The following CDK14 variants were observed in gnomAD, a reference collection of about 807,000 sequenced individuals.
CDK14 encodes cyclin dependent kinase 14.
CDK14 carries 34 observed loss-of-function variants against 60.7 expected under a neutral mutation model. That is an observed-to-expected ratio of 0.56 (90% CI 0.43 to 0.75). The LOEUF (loss-of-function observed/expected upper bound fraction) is 0.75. CDK14 is among the 30% of genes least tolerant of loss of function. The pLI, the probability that CDK14 is intolerant of heterozygous loss-of-function variation, is 0.00. For missense variants in CDK14, 482 were observed against 564.1 expected, an observed-to-expected ratio of 0.85 and a Z score of 1.47; for synonymous variants, 197 against 203.7, an observed-to-expected ratio of 0.97 and a Z score of 0.28.
intron 11 of CDK14, among the ~76,000 whole-genome samples, chr7:91,057,093 T>C (rs2116086706): frequency 6.6e-6 from 1 of 152,330 alleles, no homozygotes; most frequent in African/African-American, 2.4e-5. Context: ...TTTTTAGTGA[T>C]TGCCATTCTA....
chr7:91,041,314 G>A (rs994160744), intron 10 of CDK14, among the ~76,000 whole-genome samples: 5 of 151,930 alleles, frequency 3.3e-5, no homozygotes, highest in African/African-American at 1.2e-4. Flanking sequence ...GTTACCATAT[G>A]TGTGCTGAAG....
At chr7:91,131,729 G>A (rs1163633952) in intron 14 of CDK14, among the ~76,000 whole-genome samples, 2 of 152,080 alleles carry the variant, frequency 1.3e-5, no homozygotes, top group Non-Finnish European at 2.9e-5. Context: ...TGAATAAAAT[G>A]TGGCTACTTT....
At chr7:90,961,897 G>C (rs1194684543) in intron 9 of CDK14, among the ~76,000 whole-genome samples, 1 of 152,230 alleles carries the variant, frequency 6.6e-6, no homozygotes, top group African/African-American at 2.4e-5. Context: ...GTAAAACAGA[G>C]ATAATTGTGA....
In CDK14 at chr7:91,208,844, G is replaced by C. The variant is rs1802980141; in HGVS notation, c.*1708G>C. On this transcript the variant is annotated 3_prime_UTR_variant, in exon 15 of 15. Coordinates refer to ENST00000380050, the MANE Select transcript of CDK14 (RefSeq NM_001287135.2). ...TAGCATTCATGGTAAACTTTTAAGTGCTAAGCAAGGAATTATTTACTGATT... is the reference window on the plus strand; with the variant it reads ...TAGCATTCATGGTAAACTTTTAAGTCCTAAGCAAGGAATTATTTACTGATT... 1.3e-5 allele frequency: 2 copies of C among 152,638 alleles called. No homozygotes were observed. Among genetic ancestry groups the C allele is most frequent in the South Asian group, 4.1e-4 (2 of 4,834 alleles). 9.5% of individuals were successfully genotyped at this position (152,638 alleles called of 1,614,324 possible).
chr7:90,744,021 A>G (rs1412076947), intron 3 of CDK14, among the ~76,000 whole-genome samples: 2 of 150,734 alleles, frequency 1.3e-5, no homozygotes, highest in South Asian at 2.1e-4. Flanking sequence ...TTTTTAAATT[A>G]TTTATTTTTA....
intron 12 of CDK14, among the ~76,000 whole-genome samples, chr7:91,091,520 T>TA (rs1268235380): frequency 2.8e-5 from 4 of 140,968 alleles, no homozygotes; most frequent in South Asian, 4.3e-4. Context: ...TATATATAAA[T>TA]TAGCCAGGCA....
chr7:90,597,029 C>T (rs1004639628), intron 1 of CDK14, among the ~76,000 whole-genome samples: 2 of 152,224 alleles, frequency 1.3e-5, no homozygotes, highest in Non-Finnish European at 2.9e-5. Context: ...CCCTCGGCCC[C>T]CACCGCGCAA....
chr7:91,080,745 T>C (rs1039706803), intron 12 of CDK14, among the ~76,000 whole-genome samples: 2 of 152,224 alleles, frequency 1.3e-5, no homozygotes, highest in Non-Finnish European at 2.9e-5. Flanking sequence ...ATAACCACTT[T>C]ATGAAACAAT....
At chr7:90,801,025 T>G (rs1303826701) in intron 5 of CDK14, among the ~76,000 whole-genome samples, 1 of 152,210 alleles carries the variant, frequency 6.6e-6, no homozygotes. Flanking sequence ...CAGCATGGCT[T>G]CATCTTAACT....
chr7:90,946,806 A>G lies in CDK14; in HGVS notation c.827-8891A>G, dbSNP rs538610789. ...ACAAAAAACAAAAAACAAACAAACA[A>G]AAAACTGTCCTTAGGATCCTGTAAG... On this transcript the variant is annotated intron_variant, in intron 8 of 14. Coordinates refer to ENST00000380050, the MANE Select transcript of CDK14 (RefSeq NM_001287135.2). 6.6e-5 allele frequency among the ~76,000 whole-genome samples: 10 copies of G among 152,324 alleles called. No individual in the cohort carries two copies. The South Asian group carries it at 2.1e-3, about 32-fold the overall frequency.
At chr7:91,153,889 A>T (rs187064122) in intron 14 of CDK14, among the ~76,000 whole-genome samples, 201 of 152,270 alleles carry the variant, frequency 1.3e-3, no homozygotes, top group African/African-American at 4.4e-3. Flanking sequence ...AAAAGTTTTT[A>T]AAAAAAGAAA....
chr7:91,076,940 A>G (rs943558019), intron 11 of CDK14, among the ~76,000 whole-genome samples: 1 of 152,238 alleles, frequency 6.6e-6, no homozygotes, highest in African/African-American at 2.4e-5. Context: ...AATCAAAACC[A>G]TAATGAGACC....
intron 6 of CDK14, among the ~76,000 whole-genome samples, chr7:90,866,623 G>A (rs1280258258): frequency 6.6e-6 from 1 of 152,102 alleles, no homozygotes; most frequent in Non-Finnish European, 1.5e-5. Flanking sequence ...TTTACCAAGT[G>A]AAGGATTCTT....
At chr7:90,738,590 C>T (rs915181218) in intron 3 of CDK14, among the ~76,000 whole-genome samples, 1 of 152,208 alleles carries the variant, frequency 6.6e-6, no homozygotes, top group African/African-American at 2.4e-5. Context: ...AATTTCACAT[C>T]TCTATGCAGT....
chr7:91,159,644 C>G (rs2115735317), intron 14 of CDK14, among the ~76,000 whole-genome samples: 1 of 152,302 alleles, frequency 6.6e-6, no homozygotes, highest in Middle Eastern at 3.4e-3. Flanking sequence ...CAATGGGCTC[C>G]AGACCACAGT....
chr7:91,151,652 C>T (rs1310221805), intron 14 of CDK14, among the ~76,000 whole-genome samples: 2 of 152,118 alleles, frequency 1.3e-5, no homozygotes, highest in African/African-American at 4.8e-5. Flanking sequence ...TCTTGGCGGT[C>T]CACATTTGGT....
In CDK14 at chr7:90,596,507, C is replaced by T. The variant is rs1799188137; in HGVS notation, c.-121C>T. The T allele has an allele frequency of 6.5e-6, 5 of 764,632 alleles. No individual in the cohort carries two copies. Among genetic ancestry groups the T allele is most frequent in the South Asian group, 3.2e-5 (2 of 62,624 alleles). The allele number at this position is 764,632 out of a possible 1,614,324, so 47.4% of individuals were successfully genotyped here. A position where few individuals can be genotyped will look rare whatever the true frequency, so the allele number is the denominator to read the frequency against. On this transcript the variant is annotated 5_prime_UTR_variant, in exon 1 of 15. Coordinates refer to ENST00000380050, the MANE Select transcript of CDK14 (RefSeq NM_001287135.2). ...CTCCCTAGACCTGCGCGTCGCTTCC[C>T]GGCCCGCCGAGGAGGTGGTGGAGGA...
chr7:90,817,434 C>G (rs936680405), intron 5 of CDK14, among the ~76,000 whole-genome samples: 4 of 152,186 alleles, frequency 2.6e-5, no homozygotes, highest in Non-Finnish European at 5.9e-5. Flanking sequence ...GTGAGCTTGA[C>G]ACTCTTTCCT....
chr7:91,204,524 G>A (rs1802823023), intron 14 of CDK14, among the ~76,000 whole-genome samples: 1 of 152,060 alleles, frequency 6.6e-6, no homozygotes, highest in Non-Finnish European at 1.5e-5. Flanking sequence ...ATACTATAAG[G>A]GATTAACCAG....
Sources: allele counts gnomAD v4.1 joint callset (sites outside exome capture counted in the v4.1 genomes callset), GRCh38; gene constraint gnomAD v4.1.1; transcripts MANE v1.5; gene names NCBI Gene and HGNC (gene_info 2026-07-23, HGNC 2026-07-21).